The following SLC67A1 variants were observed in gnomAD, a reference collection of about 807,000 sequenced individuals.
The protein encoded by SLC67A1 is solute carrier family 67 member 1, also known as solute carrier family 67 member A1.
the SLC67A1 span, among the ~76,000 whole-genome samples, chr11:2,923,505 A>T: frequency 6.6e-6 from 1 of 152,072 alleles, no homozygotes; most frequent in African/African-American, 2.4e-5. The surrounding 1 kb of genome is among the most constrained non-coding windows in gnomAD (Gnocchi z 6.5). Flanking sequence ...CCTGTCTGGG[A>T]GGCAGCAGAC....
chr11:2,903,376 G>A, the SLC67A1 span: 15 of 1,612,992 alleles, frequency 9.3e-6, no homozygotes, highest in Non-Finnish European at 1.3e-5. Context: ...CAGGGACCAG[G>A]GCCGGTCCCC....
the SLC67A1 span, chr11:2,914,657 C>G: frequency 2.3e-5 from 22 of 974,586 alleles, no homozygotes; most frequent in Non-Finnish European, 2.6e-5. Flanking sequence ...CACCACCGCT[C>G]GAGGGCCTGG....
the SLC67A1 span, chr11:2,919,360 G>A: frequency 9.9e-6 from 16 of 1,613,800 alleles, no homozygotes; most frequent in East Asian, 3.6e-4. Context: ...CCAGCTGGAG[G>A]CCGCCCAAGC....
the SLC67A1 span, among the ~76,000 whole-genome samples, chr11:2,900,165 C>G: frequency 0.87 from 131,774 of 151,972 alleles, 57,384 homozygotes; most frequent in African/African-American, 0.95. Flanking sequence ...GTCCCCAGGG[C>G]GGCCAGTGGT....
At chr11:2,915,727 G>A in the SLC67A1 span, among the ~76,000 whole-genome samples, 4 of 152,302 alleles carry the variant, frequency 2.6e-5, 1 homozygote, top group South Asian at 4.1e-4. Flanking sequence ...AGGCCGTGGC[G>A]GTCCGGCACA....
At chr11:2,918,396 C>T in the SLC67A1 span, among the ~76,000 whole-genome samples, 1 of 152,252 alleles carries the variant, frequency 6.6e-6, no homozygotes, top group Non-Finnish European at 1.5e-5. Flanking sequence ...CTCCAGACAG[C>T]CTGAGATGCA....
the SLC67A1 span, chr11:2,903,697 G>A: frequency 1.6e-6 from 1 of 609,576 alleles, no homozygotes; most frequent in Non-Finnish European, 2.9e-6. Flanking sequence ...TCCAGCTTCA[G>A]TGCCAGCCCC....
the SLC67A1 span, among the ~76,000 whole-genome samples, chr11:2,923,984 G>A: frequency 6.6e-6 from 1 of 152,158 alleles, no homozygotes; most frequent in Non-Finnish European, 1.5e-5. The surrounding 1 kb of genome is among the most constrained non-coding windows in gnomAD (Gnocchi z 6.5). Flanking sequence ...GACCAGCCCT[G>A]GGAGTTCCAA....
At chr11:2,923,615 G>A in the SLC67A1 span, among the ~76,000 whole-genome samples, 1 of 152,226 alleles carries the variant, frequency 6.6e-6, no homozygotes, top group African/African-American at 2.4e-5. This position sits in a 1 kb window ranked among gnomAD's most constrained non-coding sequence, Gnocchi z 6.5. Context: ...TGACTCCATG[G>A]TGCATGGGCT....
chr11:2,918,076 G>A, the SLC67A1 span: 78 of 1,613,416 alleles, frequency 4.8e-5, no homozygotes, highest in Non-Finnish European at 6.5e-5. Flanking sequence ...TGGTGAAGGT[G>A]GCCTCCAACT....
At chr11:2,909,777 G>T in the SLC67A1 span, 2 of 1,374,220 alleles carry the variant, frequency 1.5e-6, no homozygotes, top group Non-Finnish European at 1.9e-6. Flanking sequence ...GCCCCGCCCC[G>T]CCTCCTCTTG....
At chr11:2,916,634 G>A in the SLC67A1 span, 14 of 1,611,924 alleles carry the variant, frequency 8.7e-6, no homozygotes, top group African/African-American at 1.3e-5. Context: ...TTCAGTGCCC[G>A]GCCATCCTGG....
the SLC67A1 span, among the ~76,000 whole-genome samples, chr11:2,900,161 A>AG: frequency 6.9e-6 from 1 of 145,932 alleles, no homozygotes; most frequent in Non-Finnish European, 1.5e-5. Flanking sequence ...CCAAGTCCCC[A>AG]GGGCGGCCAG....
At chr11:2,915,148 A>C in the SLC67A1 span, 1 of 985,202 alleles carries the variant, frequency 1.0e-6, no homozygotes, top group Admixed American at 6.1e-5. Flanking sequence ...CCCACCTCAG[A>C]AATGAGGGGT....
the SLC67A1 span, chr11:2,908,346 G>T: frequency 6.4e-7 from 1 of 1,570,566 alleles, no homozygotes; most frequent in East Asian, 2.3e-5. Context: ...GTGTGTGTGT[G>T]TACAGGGGCT....
chr11:2,900,650 G>A, the SLC67A1 span, among the ~76,000 whole-genome samples: 13 of 131,414 alleles, frequency 9.9e-5, no homozygotes, highest in African/African-American at 2.9e-4. Context: ...CCGAGATCGC[G>A]CCACTGCACT....
the SLC67A1 span, chr11:2,916,339 C>T: frequency 2.5e-6 from 1 of 402,976 alleles, no homozygotes; most frequent in South Asian, 5.2e-5. Context: ...GCCCCAGGCG[C>T]TCACCAGCCT....
the SLC67A1 span, among the ~76,000 whole-genome samples, chr11:2,901,313 C>T: frequency 1.3e-5 from 2 of 152,254 alleles, no homozygotes; most frequent in Non-Finnish European, 2.9e-5. Flanking sequence ...GGCTCTGGCC[C>T]CCCTGCCCAC....
chr11:2,901,946 G>C, the SLC67A1 span, among the ~76,000 whole-genome samples: 4 of 151,994 alleles, frequency 2.6e-5, no homozygotes, highest in Non-Finnish European at 5.9e-5. Flanking sequence ...CCACCTCCCG[G>C]TCCCATCCCC....
Sources: gnomAD v4.1 joint callset for allele counts (sites outside exome capture counted in the v4.1 genomes callset) on GRCh38, gnomAD v4.1.1 for gene constraint, Gnocchi (gnomAD v3.1) non-coding constraint, MANE v1.5 for transcripts, NCBI Gene and HGNC (gene_info 2026-07-23, HGNC 2026-07-21) for gene names.